CEP85L: variants seen among roughly 807,000 people sequenced by gnomAD.
The protein encoded by CEP85L is centrosomal protein of 85 kDa-like.
CEP85L carries 60 observed loss-of-function variants against 100.3 expected under a neutral mutation model. The ratio of observed to expected loss-of-function variants is 0.60; its 90% CI spans 0.49 to 0.74. The LOEUF is 0.74. Among genes scored for constraint, CEP85L ranks in the 30% least tolerant of loss-of-function variants. The pLI, the probability that CEP85L is intolerant of heterozygous loss-of-function variation, is 0.00. For missense variants in CEP85L, 973 were observed against 936.2 expected, an observed-to-expected ratio of 1.04 and a Z score of -0.51; for synonymous variants, 319 against 322.7, an observed-to-expected ratio of 0.99 and a Z score of 0.12.
At chr6:118,554,932 G>C (rs572648453) in intron 3 of CEP85L, among the ~76,000 whole-genome samples, 1 of 152,188 alleles carries the variant, frequency 6.6e-6, no homozygotes, top group Non-Finnish European at 1.5e-5. Flanking sequence ...TGTCAACGTA[G>C]GGGATGACTC....
At chr6:118,705,943 C>G (rs926654254) in intron 1 of CEP85L, among the ~76,000 whole-genome samples, 5 of 152,232 alleles carry the variant, frequency 3.3e-5, no homozygotes, top group Admixed American at 2.6e-4. Context: ...GCCTGGGAGG[C>G]CTTTCCTGCT....
chr6:118,557,260 G>C (rs1778932280), intron 3 of CEP85L, among the ~76,000 whole-genome samples: 1 of 152,148 alleles, frequency 6.6e-6, no homozygotes, highest in Admixed American at 6.5e-5. Context: ...TTTGTTGTAT[G>C]CATTTCCTTT....
chr6:118,700,759 A>G (rs775003518), intron 1 of CEP85L, among the ~76,000 whole-genome samples: 4 of 152,186 alleles, frequency 2.6e-5, no homozygotes, highest in Non-Finnish European at 5.9e-5. Flanking sequence ...GAGTACTGAG[A>G]ACCCCTGACA....
chr6:118,531,464 T>C (rs185308513), intron 3 of CEP85L, among the ~76,000 whole-genome samples: 88 of 152,304 alleles, frequency 5.8e-4, no homozygotes, highest in African/African-American at 2.0e-3. Flanking sequence ...AAAGATTTCA[T>C]GATGAAGACT....
intron 11 of CEP85L, among the ~76,000 whole-genome samples, chr6:118,470,328 T>C (rs1227708983): frequency 6.6e-6 from 1 of 152,054 alleles, no homozygotes; most frequent in Non-Finnish European, 1.5e-5. Context: ...AAATATATAC[T>C]GTACTATAAT....
At chr6:118,657,447 CT>C (rs1775835965), upstream of CEP85L, among the ~76,000 whole-genome samples, 1 of 152,046 alleles carries the variant, frequency 6.6e-6, no homozygotes, top group Non-Finnish European at 1.5e-5. Flanking sequence ...GTGAAACCCC[CT>C]CTCTACTAAA....
intron 1 of CEP85L, among the ~76,000 whole-genome samples, chr6:118,680,850 TG>T (rs1776635257): frequency 6.7e-6 from 1 of 150,042 alleles, no homozygotes; most frequent in South Asian, 2.2e-4. Context: ...CACTCCAGCC[TG>T]GGCGACACAG....
intron 2 of CEP85L, among the ~76,000 whole-genome samples, chr6:118,595,108 T>C (rs1781396038): frequency 6.6e-6 from 1 of 152,146 alleles, no homozygotes; most frequent in Non-Finnish European, 1.5e-5. Context: ...TTATGCTATG[T>C]ACAACAAGTG....
upstream of CEP85L, chr6:118,651,797 C>T: frequency 1.0e-6 from 1 of 985,130 alleles, no homozygotes; most frequent in Non-Finnish European, 1.2e-6. Flanking sequence ...ATCCCTCTGT[C>T]TCCATCCTCC....
rs149038480 is a variant in CEP85L, at chr6:118,674,571, G to A, written c.-27-21763C>T. ...ACCAACAGAATGAGAGAAAATATTTGCAAATCAAATAACTGATAAGGGATT... is the reference window on the plus strand; with the variant it reads ...ACCAACAGAATGAGAGAAAATATTTACAAATCAAATAACTGATAAGGGATT... On this transcript the variant is annotated intron_variant, in intron 1 of 13. Transcript: ENST00000368488. Among the ~76,000 whole-genome samples, 179 of 150,976 alleles carry A rather than the reference G, an allele frequency of 1.2e-3. 1 individual carries two copies. The highest frequency in any genetic ancestry group is 4.1e-3 in the African/African-American group (171 of 41,226).
At chr6:118,482,030 G>T in intron 7 of CEP85L, 97 bp from the exon 8 acceptor site, 12 of 372,238 alleles carry the variant, frequency 3.2e-5, no homozygotes, top group East Asian at 4.8e-5. Context: ...CAGACTTGTA[G>T]CTAAAAAAAA....
intron 1 of CEP85L, among the ~76,000 whole-genome samples, chr6:118,662,126 C>A (rs1775992714): frequency 6.6e-6 from 1 of 152,174 alleles, no homozygotes; most frequent in African/African-American, 2.4e-5. Flanking sequence ...GAATAATTCA[C>A]AAGAAAAACC....
intron 2 of CEP85L, among the ~76,000 whole-genome samples, chr6:118,590,913 G>C (rs748628046): frequency 6.6e-6 from 1 of 152,088 alleles, no homozygotes; most frequent in Non-Finnish European, 1.5e-5. Context: ...CGAGACAAAG[G>C]ACCCTGGTGT....
At chr6:118,489,926 TAC>T (rs555720881) in intron 6 of CEP85L, among the ~76,000 whole-genome samples, 18 of 151,506 alleles carry the variant, frequency 1.2e-4, no homozygotes, top group East Asian at 1.9e-4. Flanking sequence ...AAATGTTATA[TAC>T]ACACACACAC....
chr6:118,615,218 A>C (rs2115250116), intron 2 of CEP85L, among the ~76,000 whole-genome samples: 1 of 152,280 alleles, frequency 6.6e-6, no homozygotes, highest in South Asian at 2.1e-4. Context: ...TCCTAGGAAG[A>C]CTTTTTTTGT....
chr6:118,651,786 C>T (rs1007589462), upstream of CEP85L: 33 of 986,112 alleles, frequency 3.3e-5, no homozygotes, highest in Non-Finnish European at 3.7e-5. Context: ...CCTCCCGCCG[C>T]ATCCCTCTGT....
Position 118,580,136 on chromosome 6 carries a change from A to C in CEP85L, c.233-13820T>G, listed in dbSNP as rs533211968. Among the ~76,000 whole-genome samples the C allele has an allele frequency of 1.7e-4, 26 of 152,106 alleles. No homozygotes were observed. The East Asian group carries it at 4.6e-3, about 27-fold the overall frequency. On this transcript the variant is annotated intron_variant, in intron 2 of 12. Transcript: ENST00000368491. ...AATATAAATGGCTGTTTTCTGCTGCACTCAGGGTTCCCTCTCTCAGCTTGG... is the reference window on the plus strand; with the variant it reads ...AATATAAATGGCTGTTTTCTGCTGCCCTCAGGGTTCCCTCTCTCAGCTTGG...
chr6:118,636,794 G>A (rs932413525), intron 1 of CEP85L, among the ~76,000 whole-genome samples: 1 of 152,178 alleles, frequency 6.6e-6, no homozygotes, highest in African/African-American at 2.4e-5. Flanking sequence ...GCTTGAGCCT[G>A]CCAGCCTTCA....
chr6:118,695,225 G>C (rs913439193), intron 1 of CEP85L, among the ~76,000 whole-genome samples: 1 of 152,158 alleles, frequency 6.6e-6, no homozygotes, highest in Non-Finnish European at 1.5e-5. Context: ...TTCTCCCCTG[G>C]TGGATGCATC....
Sources: allele counts gnomAD v4.1 joint callset (sites outside exome capture counted in the v4.1 genomes callset), GRCh38; gene constraint gnomAD v4.1.1; transcripts MANE v1.5; gene names NCBI Gene and HGNC (gene_info 2026-07-23, HGNC 2026-07-21).